MMRN1: variants seen among roughly 807,000 people sequenced by gnomAD.
MMRN1 encodes the protein multimerin 1, also known as multimerin-1.
MMRN1 carries 94 observed loss-of-function variants against 100.7 expected under a neutral mutation model. The observed-to-expected ratio is 0.93, with a 90% CI of 0.79 to 1.11. MMRN1 has a LOEUF of 1.11. Among genes scored for constraint, MMRN1 ranks in the 50% least tolerant of loss-of-function variants. The probability of loss-of-function intolerance (pLI) is 0.00; values close to 1 mark genes in which losing one functional copy is unlikely to be tolerated. For synonymous variants in MMRN1, 575 were observed against 505.0 expected (o/e 1.14, Z -1.86); for missense variants, 1,606 against 1,439.1 (o/e 1.12, Z -1.88).
At chr4:89,913,445 C>T (rs982747433) in intron 3 of MMRN1, among the ~76,000 whole-genome samples, 2 of 151,216 alleles carry the variant, frequency 1.3e-5, no homozygotes, top group Non-Finnish European at 3.0e-5. Flanking sequence ...GTTGTTGCTC[C>T]GTGCTTCAAC....
intron 1 of MMRN1, among the ~76,000 whole-genome samples, chr4:89,902,315 T>G (rs1235249766): frequency 6.7e-6 from 1 of 149,610 alleles, no homozygotes; most frequent in Admixed American, 6.7e-5. Flanking sequence ...ACCCTAAAAC[T>G]TAAAGTATAA....
At chr4:89,901,105 A>G (rs781295060) in intron 1 of MMRN1, among the ~76,000 whole-genome samples, 19 of 151,492 alleles carry the variant, frequency 1.3e-4, no homozygotes, top group Non-Finnish European at 2.1e-4. Flanking sequence ...GGTATGAAGG[A>G]AGGCAAAAGA....
chr4:89,914,057 T>C (rs1486861612), intron 3 of MMRN1, among the ~76,000 whole-genome samples: 2 of 151,360 alleles, frequency 1.3e-5, no homozygotes, highest in Non-Finnish European at 3.0e-5. Flanking sequence ...GATGCACTGG[T>C]TGTATTAGGA....
chr4:89,906,994 A>G (rs900031320), intron 1 of MMRN1, among the ~76,000 whole-genome samples: 1 of 151,408 alleles, frequency 6.6e-6, no homozygotes, highest in Non-Finnish European at 1.5e-5. Flanking sequence ...TGACGGTGAT[A>G]CTTGTGTTGT....
intron 5 of MMRN1, among the ~76,000 whole-genome samples, chr4:89,932,302 CA>C (rs2110628197): frequency 6.6e-6 from 1 of 152,290 alleles, no homozygotes; most frequent in African/African-American, 2.4e-5. Flanking sequence ...TGTGGCTTTG[CA>C]GGGTACAGCC....
intron 1 of MMRN1, chr4:89,901,866 G>T (rs114322379): frequency 1.3e-5 from 2 of 151,662 alleles, no homozygotes; most frequent in Non-Finnish European, 2.9e-5. Context: ...TTTTGTATTC[G>T]CACAACTTCT....
At chr4:89,904,554 CTTGT>C (rs1721498883) in intron 1 of MMRN1, among the ~76,000 whole-genome samples, 1 of 151,624 alleles carries the variant, frequency 6.6e-6, no homozygotes, top group South Asian at 2.1e-4. Flanking sequence ...CCTTTTGTGT[CTTGT>C]TTATTTCACT....
intron 1 of MMRN1, among the ~76,000 whole-genome samples, chr4:89,885,534 C>T (rs556631425): frequency 6.6e-6 from 1 of 151,996 alleles, no homozygotes; most frequent in Non-Finnish European, 1.5e-5. Flanking sequence ...AATTTACTAG[C>T]GAAGCCATTT....
intron 2 of MMRN1, among the ~76,000 whole-genome samples, chr4:89,910,436 T>G (rs1200929693): frequency 6.6e-6 from 1 of 151,504 alleles, no homozygotes; most frequent in Non-Finnish European, 1.5e-5. Context: ...TTATCTTTAT[T>G]CTCGAATCTT....
upstream of MMRN1, among the ~76,000 whole-genome samples, chr4:89,892,370 A>T (rs7356205): frequency 4.6e-5 from 7 of 150,810 alleles, no homozygotes; most frequent in Admixed American, 4.0e-4. Context: ...ATAGTATTTT[A>T]GTATCTAGTA....
intron 3 of MMRN1, among the ~76,000 whole-genome samples, chr4:89,922,414 A>G (rs542068204): frequency 7.9e-5 from 12 of 152,202 alleles, no homozygotes; most frequent in African/African-American, 2.6e-4. Flanking sequence ...CCTGTACTCA[A>G]TATTTTAAAT....
intron 6 of MMRN1, 65 bp downstream of exon 6, chr4:89,936,863 G>C (rs1722663253): frequency 7.1e-7 from 1 of 1,413,532 alleles, no homozygotes; most frequent in Non-Finnish European, 9.4e-7. Context: ...TAATAGATCT[G>C]TACAGTTGAG....
chr4:89,901,580 CA>C (rs1721390459), intron 1 of MMRN1, among the ~76,000 whole-genome samples: 2 of 151,858 alleles, frequency 1.3e-5, no homozygotes, highest in African/African-American at 4.8e-5. Context: ...TAATAACATC[CA>C]AAATGGGTTA....
intron 3 of MMRN1, among the ~76,000 whole-genome samples, chr4:89,917,571 CA>C (rs1721961778): frequency 6.6e-6 from 1 of 151,772 alleles, no homozygotes. Flanking sequence ...TACATCATAC[CA>C]AAAATCACTC....
In MMRN1 at chr4:89,935,651, A is replaced by G; in HGVS notation, c.1971A>G (p.Ala657=). 6.2e-7 allele frequency: 1 copy of G among 1,613,472 alleles called. No homozygotes were observed. Among genetic ancestry groups the G allele is most frequent in the South Asian group, 1.1e-5 (1 of 91,064 alleles). ...EILQPLLEQG[A]SLRQTMTYEQ... ...TTCAACCCTTGCTTGAGCAGGGAGC[A>G]TCACTCAGACAGACAATGACATATG... The change falls in exon 6 of 8, where the codon GCA becomes GCG. Residue 657 remains alanine (A), a synonymous_variant. Transcript: ENST00000264790.
chr4:89,939,571 C>T (rs913963581), intron 6 of MMRN1, among the ~76,000 whole-genome samples: 3 of 152,064 alleles, frequency 2.0e-5, no homozygotes, highest in Non-Finnish European at 4.4e-5. Context: ...AACTGACCCT[C>T]GGAGACATTA....
chr4:89,903,521 T>C (rs971990849), intron 1 of MMRN1, among the ~76,000 whole-genome samples: 1 of 151,828 alleles, frequency 6.6e-6, no homozygotes, highest in African/African-American at 2.4e-5. Flanking sequence ...CTGTGTTTCT[T>C]TGTATCTGAG....
At position 89,909,279 on chromosome 4, in the gene MMRN1, T is replaced by C; in HGVS notation, c.627T>C (p.Asn209=). The C allele has an allele frequency of 1.3e-6, 2 of 1,592,072 alleles. No individual in the cohort carries two copies. The highest frequency in any genetic ancestry group is 1.7e-6 in the Non-Finnish European group (2 of 1,169,574). The change falls in exon 2 of 8, where the codon AAT becomes AAC. Residue 209 remains asparagine, a synonymous_variant. Coordinates refer to ENST00000264790, the MANE Select transcript of MMRN1 (RefSeq NM_007351.3). ...TAACAATTATGATCTTCTTTAGGAA[T>C]TGGTGTGCTTATGTACATACCAGGT... ...KSNFETTRGK[N]WCAYVHTRLS...
chr4:89,936,014 G>T lies in MMRN1; in HGVS notation c.2334G>T (p.Gln778His). Residue 778 changes from glutamine (Q) to histidine (H), a missense_variant, in exon 6 of 8, where the codon CAG becomes CAT. By Grantham distance (24) the Gln-to-His change is conservative (BLOSUM62 0). Coordinates refer to ENST00000264790, the MANE Select transcript of MMRN1 (RefSeq NM_007351.3). ...DMETILTFIP[Q>H]FHRLNDSIQT... is the part of the protein sequence containing the mutation. Reference sequence around the variant, plus strand: ...AAACTATTTTGACATTTATTCCTCAGTTCCACCGTCTGAATGATTCTATTC... The same window carrying T: ...AAACTATTTTGACATTTATTCCTCATTTCCACCGTCTGAATGATTCTATTC... 1 of 1,613,112 alleles carries T rather than the reference G, an allele frequency of 6.2e-7. No individual in the cohort carries two copies. Among genetic ancestry groups the T allele is most frequent in the Non-Finnish European group, 8.5e-7 (1 of 1,179,540 alleles).
Sources: gnomAD v4.1 joint callset for allele counts (sites outside exome capture counted in the v4.1 genomes callset) on GRCh38, gnomAD v4.1.1 for gene constraint, MANE v1.5 for transcripts, NCBI Gene and HGNC (gene_info 2026-07-23, HGNC 2026-07-21) for gene names.